INPP5A: variants seen among roughly 807,000 people sequenced by gnomAD.
The protein encoded by INPP5A is 43 kDa inositol polyphosphate 5-phophatase.
In INPP5A, 14 loss-of-function variants were observed where a neutral mutation model predicts 65.2. The observed-to-expected ratio is 0.21, with a 90% confidence interval of 0.14 to 0.34. The LOEUF (loss-of-function observed/expected upper bound fraction) is 0.34, where lower values mean the gene tolerates loss of function less well. INPP5A is among the 10% of genes least tolerant of loss of function. The pLI is 1.00. For synonymous variants in INPP5A, 207 were observed against 208.3 expected (o/e 0.99, Z 0.05); for missense variants, 431 against 545.6 (o/e 0.79, Z 2.09).
intron 6 of INPP5A, 28 bp from the exon 7 acceptor site, chr10:132,708,285 T>C (rs772101826): frequency 6.2e-7 from 1 of 1,612,388 alleles, no homozygotes; most frequent in Admixed American, 1.7e-5. Context: ...TTACTCTGGC[T>C]CATTTGTGTG....
chr10:132,688,906 G>A (rs181571899), intron 4 of INPP5A, among the ~76,000 whole-genome samples: 4 of 152,114 alleles, frequency 2.6e-5, no homozygotes, highest in South Asian at 2.1e-4. Context: ...GAGCAAGCAC[G>A]TGAGTGTGCA....
chr10:132,781,408 A>G (rs1847159039), intron 14 of INPP5A, among the ~76,000 whole-genome samples: 1 of 152,126 alleles, frequency 6.6e-6, no homozygotes, highest in South Asian at 2.1e-4. Flanking sequence ...AGACAGATCA[A>G]ATCTCATTTT....
At chr10:132,597,629 A>T (rs2071720609) in intron 1 of INPP5A, among the ~76,000 whole-genome samples, 1 of 152,216 alleles carries the variant, frequency 6.6e-6, no homozygotes, top group South Asian at 2.1e-4. Context: ...AAACTGTATT[A>T]ACATCTGTGT....
intron 2 of INPP5A, 55 bp downstream of exon 2, chr10:132,608,011 CT>C: frequency 6.5e-7 from 1 of 1,545,758 alleles, no homozygotes. Flanking sequence ...AATAAGGTGC[CT>C]TTTTGCTTTG....
intron 1 of INPP5A, among the ~76,000 whole-genome samples, chr10:132,569,998 C>T (rs906189158): frequency 2.0e-5 from 3 of 147,304 alleles, no homozygotes; most frequent in Non-Finnish European, 3.0e-5. Flanking sequence ...TGGGGTTTCA[C>T]CATATTGGCC....
At chr10:132,748,007 G>A (rs1002209339) in intron 9 of INPP5A, among the ~76,000 whole-genome samples, 7 of 152,154 alleles carry the variant, frequency 4.6e-5, no homozygotes, top group African/African-American at 7.2e-5. Flanking sequence ...CCTTGATCAC[G>A]CCACTGCGCT....
chr10:132,627,804 C>T lies in INPP5A; in HGVS notation c.118-18064C>T, dbSNP rs1196529404. 1.3e-5 allele frequency among the ~76,000 whole-genome samples: 2 copies of T among 152,180 alleles called. No homozygotes were observed. The highest frequency in any genetic ancestry group is 6.8e-3 in the Middle Eastern group (2 of 294). ...TTCATCCTCAGGGTAACGGCAGCCA[C>T]GGACAGATTTGTGAGGACCTTTGGT... On this transcript the variant is annotated intron_variant, in intron 2 of 15. Transcript: ENST00000368594. The surrounding 1 kb of genome is among the most constrained non-coding windows in gnomAD (Gnocchi z 6.6).
At chr10:132,657,313 C>G (rs1328180492) in intron 4 of INPP5A, among the ~76,000 whole-genome samples, 2 of 152,252 alleles carry the variant, frequency 1.3e-5, no homozygotes, top group African/African-American at 4.8e-5. Context: ...CATGAGTGAC[C>G]TGCAAGCACT....
At chr10:132,712,676 G>A (rs1392783308) in intron 8 of INPP5A, among the ~76,000 whole-genome samples, 1 of 150,404 alleles carries the variant, frequency 6.6e-6, no homozygotes, top group Non-Finnish European at 1.5e-5. Flanking sequence ...ATGTGTGGGT[G>A]CATGTGAGTG....
In INPP5A at chr10:132,762,265, T is replaced by C. The variant is rs1348283165; in HGVS notation, c.904-3508T>C. Among the ~76,000 whole-genome samples the C allele has an allele frequency of 6.6e-6, 1 of 152,204 alleles. No homozygotes were observed. The highest frequency in any genetic ancestry group is 2.4e-5 in the African/African-American group (1 of 41,436). ...AAACCTCAGGAAGCATGGTGAGTCC[T>C]GAGCAGGAGGAATGGAAGTAAATCC... is the stretch of plus-strand genomic sequence containing the variant. On this transcript the variant is annotated intron_variant, in intron 11 of 15. Transcript: ENST00000368594. The surrounding 1 kb of genome is among the most constrained non-coding windows in gnomAD (Gnocchi z 4.6).
At chr10:132,632,334 C>T (rs544080381) in intron 2 of INPP5A, among the ~76,000 whole-genome samples, 25 of 152,208 alleles carry the variant, frequency 1.6e-4, no homozygotes, top group Non-Finnish European at 3.2e-4. Flanking sequence ...TGCCAGGGCG[C>T]CTGTGTCCCC....
In INPP5A at chr10:132,782,179, C is replaced by T. The variant is rs961513699; in HGVS notation, c.*150C>T. The T allele has an allele frequency of 2.2e-5, 28 of 1,249,180 alleles. 2 individuals carry two copies. Among genetic ancestry groups the T allele is most frequent in the South Asian group, 2.1e-4 (16 of 77,586 alleles). 77.4% of individuals were successfully genotyped at this position (1,249,180 alleles called of 1,614,324 possible). On this transcript the variant is annotated 3_prime_UTR_variant, in exon 16 of 16. Coordinates refer to ENST00000368594, the MANE Select transcript of INPP5A (RefSeq NM_005539.5). This position sits in a 1 kb window ranked among gnomAD's most constrained non-coding sequence, Gnocchi z 4.4. ...CAGCCCCACACTTCGCTTCAGCCTCCGGACCATTCCGGAGCAGCCTCACAT... is the reference window on the plus strand; with the variant it reads ...CAGCCCCACACTTCGCTTCAGCCTCTGGACCATTCCGGAGCAGCCTCACAT...
At chr10:132,723,585 C>A (rs1845929862) in intron 8 of INPP5A, among the ~76,000 whole-genome samples, 1 of 91,804 alleles carries the variant, frequency 1.1e-5, no homozygotes, top group South Asian at 3.1e-4. Context: ...TGGGGATTGG[C>A]CGTGTGGGGA....
At chr10:132,769,829 G>A (rs1385997502) in intron 12 of INPP5A, among the ~76,000 whole-genome samples, 2 of 149,632 alleles carry the variant, frequency 1.3e-5, no homozygotes, top group Non-Finnish European at 3.0e-5. Context: ...GATACGTGTG[G>A]CTCCCGGTAC....
Position 132,651,693 on chromosome 10 carries a change from C to T in INPP5A, c.306+1188C>T, listed in dbSNP as rs572211771. Among the ~76,000 whole-genome samples the T allele has an allele frequency of 6.6e-6, 1 of 152,328 alleles. No individual in the cohort carries two copies. The highest frequency in any genetic ancestry group is 1.9e-4 in the East Asian group (1 of 5,186). ...TGCTGAGGGTCTCGCTCTCCAGTGCCCCCCTGCCCTGCAGGTGGGACTCTC... is the reference window on the plus strand; with the variant it reads ...TGCTGAGGGTCTCGCTCTCCAGTGCTCCCCTGCCCTGCAGGTGGGACTCTC... On this transcript the variant is annotated intron_variant, in intron 4 of 15. Coordinates refer to ENST00000368594, the MANE Select transcript of INPP5A (RefSeq NM_005539.5). This position sits in a 1 kb window ranked among gnomAD's most constrained non-coding sequence, Gnocchi z 5.0.
chr10:132,543,707 A>T (rs1403290379), intron 1 of INPP5A, among the ~76,000 whole-genome samples: 1 of 152,282 alleles, frequency 6.6e-6, no homozygotes, highest in Admixed American at 6.5e-5. Flanking sequence ...CATGAGCCAC[A>T]GTGCCAAGTC....
rs2072195588 is a variant in INPP5A, at chr10:132,627,154, G to A, written c.118-18714G>A. Among the ~76,000 whole-genome samples, 1 of 151,854 alleles carries A rather than the reference G, an allele frequency of 6.6e-6. No homozygotes were observed. Among genetic ancestry groups the A allele is most frequent in the Non-Finnish European group, 1.5e-5 (1 of 68,032 alleles). On this transcript the variant is annotated intron_variant, in intron 2 of 15. Coordinates refer to ENST00000368594, the MANE Select transcript of INPP5A (RefSeq NM_005539.5). The surrounding 1 kb of genome is among the most constrained non-coding windows in gnomAD (Gnocchi z 6.6). ...GTGAGCCAGGAAGGACCCTCACCAG[G>A]AACCAAACCGGCCGGCTTCTTGGCC...
At chr10:132,684,898 C>T (rs1369819813) in intron 4 of INPP5A, among the ~76,000 whole-genome samples, 1 of 152,188 alleles carries the variant, frequency 6.6e-6, no homozygotes, top group Non-Finnish European at 1.5e-5. Context: ...TCACAGCATG[C>T]AGCTGGGGAA....
In INPP5A at chr10:132,770,967, G is replaced by A. The variant is rs147151403; in HGVS notation, c.977+5121G>A. Among the ~76,000 whole-genome samples, 10 of 152,296 alleles carry A rather than the reference G, an allele frequency of 6.6e-5. No homozygotes were observed. The East Asian group carries it at 9.7e-4, about 15-fold the overall frequency. ...GAGGAATACGTTTTCCAACACCCTC[G>A]GGTCTCCTTGAAAGCTTAAATTTTG... On this transcript the variant is annotated intron_variant, in intron 12 of 15. Coordinates refer to ENST00000368594, the MANE Select transcript of INPP5A (RefSeq NM_005539.5).
Sources: gnomAD v4.1 joint callset for allele counts (sites outside exome capture counted in the v4.1 genomes callset) on GRCh38, gnomAD v4.1.1 for gene constraint, Gnocchi (gnomAD v3.1) non-coding constraint, MANE v1.5 for transcripts, NCBI Gene and HGNC (gene_info 2026-07-23, HGNC 2026-07-21) for gene names.